The following FBXO11 variants were observed in gnomAD, a reference collection of about 807,000 sequenced individuals.
The protein encoded by FBXO11 is F-box protein 11, also known as F-box only protein 11.
In FBXO11, 13 loss-of-function variants were observed where a neutral mutation model predicts 117.0. That is an observed-to-expected ratio of 0.11 (90% CI 0.07 to 0.18). The LOEUF (loss-of-function observed/expected upper bound fraction) is 0.18, where lower values mean the gene tolerates loss of function less well. Ranked by LOEUF, FBXO11 falls within the 10% of genes least tolerant of loss-of-function variation. The probability of loss-of-function intolerance (pLI) is 1.00; values close to 1 mark genes in which losing one functional copy is unlikely to be tolerated. For missense variants in FBXO11, 767 were observed against 1,164.4 expected (o/e 0.66, Z 4.97); for synonymous variants, 490 against 380.5 (o/e 1.29, Z -3.35).
intron 16 of FBXO11, among the ~76,000 whole-genome samples, chr2:47,814,961 C>G (rs747029343): frequency 6.6e-6 from 1 of 152,200 alleles, no homozygotes; most frequent in African/African-American, 2.4e-5. Context: ...CCGTAAGAAG[C>G]AACTCCTCAT....
intron 7 of FBXO11, among the ~76,000 whole-genome samples, chr2:47,833,274 T>C (rs1672317403): frequency 6.6e-6 from 1 of 152,182 alleles, no homozygotes; most frequent in Non-Finnish European, 1.5e-5. Context: ...CTATAAATAC[T>C]ATGAATATAA....
intron 1 of FBXO11, among the ~76,000 whole-genome samples, chr2:47,846,163 A>G (rs1400240727): frequency 6.6e-6 from 1 of 152,214 alleles, no homozygotes; most frequent in East Asian, 1.9e-4. Flanking sequence ...CAAGTCTAAA[A>G]GCAAGACCTT....
intron 16 of FBXO11, among the ~76,000 whole-genome samples, chr2:47,815,323 A>G: frequency 6.6e-6 from 1 of 152,148 alleles, no homozygotes; most frequent in Non-Finnish European, 1.5e-5. Flanking sequence ...CCCCCTCGGG[A>G]ATGAGGATCT....
chr2:47,828,693 C>A (rs1671948840), intron 11 of FBXO11, among the ~76,000 whole-genome samples: 1 of 151,896 alleles, frequency 6.6e-6, no homozygotes, highest in African/African-American at 2.4e-5. Flanking sequence ...AAAATGCTAT[C>A]TTCATAGAAA....
At chr2:47,858,277 T>C (rs1174041550) in intron 1 of FBXO11, among the ~76,000 whole-genome samples, 1 of 151,890 alleles carries the variant, frequency 6.6e-6, no homozygotes, top group East Asian at 2.0e-4. Flanking sequence ...CCCAAAGTGC[T>C]GGGATTACAG....
intron 11 of FBXO11, among the ~76,000 whole-genome samples, chr2:47,824,150 A>G (rs1258870628): frequency 6.6e-6 from 1 of 152,252 alleles, no homozygotes; most frequent in Non-Finnish European, 1.5e-5. Context: ...TCCTTCAACA[A>G]AAGGTTAAAG....
chr2:47,840,668 G>A (rs1672947073), intron 1 of FBXO11, among the ~76,000 whole-genome samples: 1 of 151,434 alleles, frequency 6.6e-6, no homozygotes, highest in Non-Finnish European at 1.5e-5. Context: ...TGCCCAGGCT[G>A]GTCTCAGACT....
chr2:47,815,493 G>C (rs1670944544), intron 16 of FBXO11, among the ~76,000 whole-genome samples: 1 of 152,198 alleles, frequency 6.6e-6, no homozygotes, highest in South Asian at 2.1e-4. Context: ...GAAGGACAAA[G>C]ACCTGGCTTC....
intron 1 of FBXO11, among the ~76,000 whole-genome samples, chr2:47,884,520 G>A (rs1328795455): frequency 1.3e-5 from 2 of 152,170 alleles, no homozygotes; most frequent in Non-Finnish European, 2.9e-5. Flanking sequence ...AACAGAGGTT[G>A]ATGCATTTTT....
At chr2:47,887,890 C>A (rs549082714) in intron 1 of FBXO11, among the ~76,000 whole-genome samples, 1 of 152,040 alleles carries the variant, frequency 6.6e-6, no homozygotes, top group Non-Finnish European at 1.5e-5. Context: ...GAGGGACACA[C>A]CTGTAGTCCT....
chr2:47,899,488 A>G (rs1010028293), intron 1 of FBXO11, among the ~76,000 whole-genome samples: 2 of 152,150 alleles, frequency 1.3e-5, no homozygotes, highest in African/African-American at 2.4e-5. Context: ...CAAATGTTCT[A>G]TAAGGCAGGT....
intron 11 of FBXO11, among the ~76,000 whole-genome samples, chr2:47,827,819 C>G (rs1388454404): frequency 6.6e-6 from 1 of 151,746 alleles, no homozygotes; most frequent in Non-Finnish European, 1.5e-5. Context: ...GCCTCAGCCT[C>G]CAAAGTAGCT....
chr2:47,835,964 G>C lies in FBXO11; in HGVS notation c.625C>G (p.Pro209Ala). ...TTTCCAGGTTCAGGATGCATCATAG[G>C]GCGAGTATATTCAAATACTTCCATA... ...LYMEVFEYTR[P>A]MMHPEPGKFY... is the part of the protein sequence containing the mutation. Residue 209 changes from proline (P) to alanine (A), a missense_variant, in exon 5 of 23, where the codon CCT (proline) becomes GCT (alanine). This residue lies in a region of FBXO11 where 355 missense variants were observed against 299.8 expected (regional missense o/e 1.18). Coordinates refer to ENST00000403359, the MANE Select transcript of FBXO11 (RefSeq NM_001190274.2). 6.2e-7 allele frequency: 1 copy of C among 1,610,296 alleles called. No homozygotes were observed. Among genetic ancestry groups the C allele is most frequent in the East Asian group, 2.2e-5 (1 of 44,788 alleles).
chr2:47,808,755 C>T (rs1464964026), intron 21 of FBXO11: 1 of 291,656 alleles, frequency 3.4e-6, no homozygotes, highest in Non-Finnish European at 6.3e-6. Flanking sequence ...ATATATCAAA[C>T]ACTTAACCCC....
At position 47,906,390 on chromosome 2, in the gene FBXO11, TCCTTAAAGGAA is replaced by T. The variant is rs1678818096; in HGVS notation, c.-681_-671del. ...GAAAAAGAGGCGTCGTCCTTCCTCCTCCTTAAAGGAACCTTTCCTCCTCCTCCTCGTCAGCC... is the reference window on the plus strand; with the variant it reads ...GAAAAAGAGGCGTCGTCCTTCCTCCTCCTTTCCTCCTCCTCCTCGTCAGCC... On this transcript the variant is annotated 5_prime_UTR_variant, in exon 1 of 23. Transcript: ENST00000403359. 6.6e-6 allele frequency among the ~76,000 whole-genome samples: 1 copy of T among 152,122 alleles called. No homozygotes were observed. The highest frequency in any genetic ancestry group is 1.5e-5 in the Non-Finnish European group (1 of 67,998).
intron 1 of FBXO11, among the ~76,000 whole-genome samples, chr2:47,886,843 G>C (rs1676889306): frequency 6.6e-6 from 1 of 152,050 alleles, no homozygotes; most frequent in Admixed American, 6.6e-5. Flanking sequence ...GAAAAAGCCT[G>C]TGCAACACAA....
rs117165608 is a variant in FBXO11, at chr2:47,873,278, T to C, written c.232+32211A>G. ...TTTGAAGGCCCTTCCCTTATCTGTATCTGGTATTTCTCTCCCACAATAAGC... is the reference window on the plus strand; with the variant it reads ...TTTGAAGGCCCTTCCCTTATCTGTACCTGGTATTTCTCTCCCACAATAAGC... On this transcript the variant is annotated intron_variant, in intron 1 of 22. Transcript: ENST00000403359. Among the ~76,000 whole-genome samples the C allele has an allele frequency of 2.6e-5, 4 of 152,344 alleles. No individual in the cohort carries two copies. The East Asian group carries it at 5.8e-4, about 22-fold the overall frequency.
intron 1 of FBXO11, among the ~76,000 whole-genome samples, chr2:47,845,153 C>A (rs1214289353): frequency 6.6e-6 from 1 of 151,598 alleles, no homozygotes; most frequent in African/African-American, 2.4e-5. Flanking sequence ...CCCACCCACC[C>A]CACCCTGGAA....
At chr2:47,867,285 C>T (rs984568887) in intron 1 of FBXO11, among the ~76,000 whole-genome samples, 1 of 152,132 alleles carries the variant, frequency 6.6e-6, no homozygotes, top group African/African-American at 2.4e-5. Flanking sequence ...AGCTCTGCTC[C>T]ATAGAATCAT....
Sources: allele counts gnomAD v4.1 joint callset (sites outside exome capture counted in the v4.1 genomes callset), GRCh38; gene constraint gnomAD v4.1.1; regional missense constraint gnomAD v4.1.1; transcripts MANE v1.5; gene names NCBI Gene and HGNC (gene_info 2026-07-23, HGNC 2026-07-21).